FARS2: variants seen among roughly 807,000 people sequenced by gnomAD.
FARS2 encodes phenylalanine--tRNA ligase, mitochondrial.
In FARS2, 40 loss-of-function variants were observed where a neutral mutation model predicts 46.4. That is an observed-to-expected ratio of 0.86 (90% CI 0.67 to 1.12). The LOEUF (loss-of-function observed/expected upper bound fraction) is 1.12, where lower values mean the gene tolerates loss of function less well. Ranked by LOEUF, FARS2 falls within the 50% of genes most tolerant of loss-of-function variation. The pLI is 0.00. For missense variants in FARS2, 513 were observed against 567.9 expected, an observed-to-expected ratio of 0.90 and a Z score of 0.98; for synonymous variants, 234 against 214.9, an observed-to-expected ratio of 1.09 and a Z score of -0.78.
At chr6:5,712,837 A>G (rs2150905504) in intron 6 of FARS2, among the ~76,000 whole-genome samples, 1 of 152,348 alleles carries the variant, frequency 6.6e-6, no homozygotes, top group South Asian at 2.1e-4. Flanking sequence ...TCACACAGAC[A>G]CAGTCAGGCA....
intron 1 of FARS2, among the ~76,000 whole-genome samples, chr6:5,281,725 ATC>A: frequency 6.6e-6 from 1 of 151,676 alleles, no homozygotes; most frequent in Non-Finnish European, 1.5e-5. Context: ...TAGTAATGAT[ATC>A]TCTCTGTGTG....
chr6:5,493,043 C>A (rs1400902495), intron 4 of FARS2, among the ~76,000 whole-genome samples: 1 of 151,810 alleles, frequency 6.6e-6, no homozygotes, highest in Non-Finnish European at 1.5e-5. Context: ...GCCCTGTATT[C>A]TGTGTACTTA....
intron 1 of FARS2, among the ~76,000 whole-genome samples, chr6:5,271,558 C>CTA (rs1359374668): frequency 9.8e-6 from 1 of 102,250 alleles, no homozygotes; most frequent in Non-Finnish European, 1.8e-5. Context: ...GAGACTATGT[C>CTA]TGTTTTTTTT....
chr6:5,650,377 A>T (rs1000595189), intron 6 of FARS2, among the ~76,000 whole-genome samples: 1 of 151,884 alleles, frequency 6.6e-6, no homozygotes, highest in Admixed American at 6.6e-5. Flanking sequence ...TGCTAACTAT[A>T]TACCTTTTCA....
In FARS2 at chr6:5,513,252, C is replaced by T. The variant is rs571234944; in HGVS notation, c.905-31928C>T. ...AGATAGTCAGGAACCTTGTGAACAG[C>T]GAGGTTATTACCTGAGACTGGAACT... On this transcript the variant is annotated intron_variant, in intron 4 of 6. Transcript: ENST00000274680. Among the ~76,000 whole-genome samples, 5 of 152,082 alleles carry T rather than the reference C, an allele frequency of 3.3e-5. No individual in the cohort carries two copies. The East Asian group carries it at 7.7e-4, about 24-fold the overall frequency.
upstream of FARS2, among the ~76,000 whole-genome samples, chr6:5,259,999 T>C (rs940099712): frequency 6.6e-6 from 1 of 152,176 alleles, no homozygotes; most frequent in African/African-American, 2.4e-5. Context: ...ATATTAAAGA[T>C]GTGAGTTTAG....
intron 6 of FARS2, among the ~76,000 whole-genome samples, chr6:5,755,931 G>T (rs1023554202): frequency 8.5e-5 from 13 of 152,298 alleles, no homozygotes; most frequent in African/African-American, 3.1e-4. Context: ...TTCAGGGTAG[G>T]CTTCTTCTCC....
At chr6:5,439,818 G>A (rs140423477) in intron 4 of FARS2, among the ~76,000 whole-genome samples, 172 of 152,266 alleles carry the variant, frequency 1.1e-3, no homozygotes, top group African/African-American at 4.0e-3. Flanking sequence ...ACTCTGGCTC[G>A]CTTCCTTCCT....
chr6:5,267,229 G>A (rs1408637879), intron 1 of FARS2, among the ~76,000 whole-genome samples: 2 of 148,752 alleles, frequency 1.3e-5, no homozygotes, highest in African/African-American at 2.5e-5. Context: ...TACAAACCCC[G>A]ACCACCATGA....
At position 5,463,822 on chromosome 6, in the gene FARS2, A is replaced by T. The variant is rs78479916; in HGVS notation, c.904+32650A>T. Reference sequence around the variant, plus strand: ...CCTTAACAGCATGTTTCAACCCTGCATTTCTTTCATTTTCCTTCTGGTTTA... The same window carrying T: ...CCTTAACAGCATGTTTCAACCCTGCTTTTCTTTCATTTTCCTTCTGGTTTA... On this transcript the variant is annotated intron_variant, in intron 4 of 6. Transcript: ENST00000274680. Among the ~76,000 whole-genome samples the T allele has an allele frequency of 6.4e-3, 975 of 152,212 alleles. 6 individuals carry two copies. The highest frequency in any genetic ancestry group is 0.011 in the Non-Finnish European group (751 of 68,006).
intron 4 of FARS2, among the ~76,000 whole-genome samples, chr6:5,455,061 G>A (rs1764762674): frequency 6.6e-6 from 1 of 152,210 alleles, no homozygotes; most frequent in Non-Finnish European, 1.5e-5. Flanking sequence ...ATAGACTGCT[G>A]ACCCACCAGC....
chr6:5,756,753 T>C (rs955586270), intron 6 of FARS2, among the ~76,000 whole-genome samples: 1 of 152,244 alleles, frequency 6.6e-6, no homozygotes, highest in African/African-American at 2.4e-5. Flanking sequence ...GTTTATCTTA[T>C]TCTGCATCAC....
intron 5 of FARS2, among the ~76,000 whole-genome samples, chr6:5,577,236 TTA>T (rs1231855135): frequency 6.6e-6 from 1 of 151,492 alleles, no homozygotes; most frequent in Non-Finnish European, 1.5e-5. Flanking sequence ...GAGAAGGTAA[TTA>T]TAGATATAAT....
intron 5 of FARS2, among the ~76,000 whole-genome samples, chr6:5,550,674 C>T (rs534972296): frequency 1.3e-5 from 2 of 152,204 alleles, no homozygotes; most frequent in African/African-American, 4.8e-5. Context: ...CTTTCCTTCT[C>T]TTTTTGTTCT....
Position 5,626,890 on chromosome 6 carries a change from G to T in FARS2, c.1217+13570G>T, listed in dbSNP as rs560491629. Among the ~76,000 whole-genome samples, 6 of 152,332 alleles carry T rather than the reference G, an allele frequency of 3.9e-5. No individual in the cohort carries two copies. The East Asian group carries it at 1.2e-3, about 29-fold the overall frequency. On this transcript the variant is annotated intron_variant, in intron 6 of 6. Transcript: ENST00000274680. ...AAGGTGCAGCCTACTGCACACATAG[G>T]CTGTATGGGGTACAGTGTAGCCTAT...
At chr6:5,745,827 A>C (rs183011454) in intron 6 of FARS2, among the ~76,000 whole-genome samples, 1 of 152,350 alleles carries the variant, frequency 6.6e-6, no homozygotes, top group Admixed American at 6.5e-5. Context: ...GGTGTGAGCC[A>C]CTGCACCCCA....
At chr6:5,642,013 G>A (rs536823912) in intron 6 of FARS2, among the ~76,000 whole-genome samples, 4 of 152,096 alleles carry the variant, frequency 2.6e-5, no homozygotes, top group Non-Finnish European at 1.5e-5. Flanking sequence ...TGTTATCCTT[G>A]GTACTTACCA....
At chr6:5,622,260 C>T (rs183353174) in intron 6 of FARS2, among the ~76,000 whole-genome samples, 106 of 152,356 alleles carry the variant, frequency 7.0e-4, no homozygotes, top group African/African-American at 2.4e-3. Context: ...CACCGCCTTC[C>T]TCTTTCTCCG....
intron 3 of FARS2, among the ~76,000 whole-genome samples, chr6:5,422,418 G>C (rs1762605602): frequency 6.6e-6 from 1 of 151,888 alleles, no homozygotes. Context: ...TGTGTGTTAG[G>C]AGAACAAGGA....
Sources: allele counts gnomAD v4.1 joint callset (sites outside exome capture counted in the v4.1 genomes callset), GRCh38; gene constraint gnomAD v4.1.1; transcripts MANE v1.5; gene names NCBI Gene and HGNC (gene_info 2026-07-23, HGNC 2026-07-21).